Variants in WDFY4 observed in about 807,000 individuals in gnomAD.
WDFY4 encodes WD repeat- and FYVE domain-containing protein 4.
In WDFY4, 169 loss-of-function variants were observed where a neutral mutation model predicts 351.9. That is an observed-to-expected ratio of 0.48 (90% CI 0.42 to 0.55). The LOEUF (loss-of-function observed/expected upper bound fraction) is 0.55. Ranked by LOEUF, WDFY4 falls within the 20% of genes least tolerant of loss-of-function variation. The probability of loss-of-function intolerance (pLI) is 0.00; values close to 1 mark genes in which losing one functional copy is unlikely to be tolerated. For missense variants in WDFY4, 3,803 were observed against 3,935.6 expected, an observed-to-expected ratio of 0.97 and a Z score of 0.90; for synonymous variants, 1,622 against 1,574.6, an observed-to-expected ratio of 1.03 and a Z score of -0.71.
chr10:48,978,499 A>AGCCTAGGGAG, intron 60 of WDFY4, 106 bp downstream of exon 60: 1 of 1,109,724 alleles, frequency 9.0e-7, no homozygotes, highest in South Asian at 1.7e-5. Flanking sequence ...AGGTCTGCCC[A>AGCCTAGGGAG]GCCTAGGGAG....
At chr10:48,976,301 A>G (rs1177645930) in intron 58 of WDFY4, among the ~76,000 whole-genome samples, 1 of 152,246 alleles carries the variant, frequency 6.6e-6, no homozygotes, top group African/African-American at 2.4e-5. Context: ...AGGAGATACA[A>G]TGGGGAAATT....
intron 47 of WDFY4, among the ~76,000 whole-genome samples, chr10:48,919,987 C>T (rs1299272551): frequency 6.6e-6 from 1 of 152,062 alleles, no homozygotes; most frequent in Non-Finnish European, 1.5e-5. Flanking sequence ...TCTTCATGAA[C>T]ATAGTTACAA....
intron 12 of WDFY4, among the ~76,000 whole-genome samples, chr10:48,748,763 C>A (rs185953727): frequency 6.6e-6 from 1 of 152,190 alleles, no homozygotes; most frequent in African/African-American, 2.4e-5. Context: ...AACTCTACCC[C>A]CTCCAGGGAG....
chr10:48,736,002 A>G lies in WDFY4; in HGVS notation c.1810A>G (p.Ser604Gly). 1 of 1,551,900 alleles carries G rather than the reference A, an allele frequency of 6.4e-7. No homozygotes were observed. Among genetic ancestry groups the G allele is most frequent in the Non-Finnish European group, 8.7e-7 (1 of 1,147,060 alleles). The change falls in exon 11 of 62, where the codon AGC becomes GGC. Residue 604 changes from serine to glycine, a missense_variant. Ser to Gly is a moderately conservative substitution (Grantham distance 56). Coordinates refer to ENST00000325239, the MANE Select transcript of WDFY4 (RefSeq NM_001394531.1). ...LSAINAEEYM[S>G]IIVGALCSST... ...AGCCATCAACGCCGAGGAGTACATG[A>G]GCATCATTGTGGGTGCTCTATGCTC...
At chr10:48,751,365 G>C (rs748283448) in intron 12 of WDFY4, among the ~76,000 whole-genome samples, 1 of 152,182 alleles carries the variant, frequency 6.6e-6, no homozygotes, top group Non-Finnish European at 1.5e-5. Flanking sequence ...GGCATTGCTC[G>C]GACTTTAAGC....
intron 13 of WDFY4, among the ~76,000 whole-genome samples, chr10:48,764,578 T>C (rs1218999994): frequency 6.6e-6 from 1 of 152,250 alleles, no homozygotes; most frequent in Non-Finnish European, 1.5e-5. Flanking sequence ...CAGTCCCAAA[T>C]GCCATTCCAC....
chr10:48,712,871 C>G (rs2063803047), intron 2 of WDFY4, among the ~76,000 whole-genome samples: 1 of 152,178 alleles, frequency 6.6e-6, no homozygotes, highest in Admixed American at 6.5e-5. Flanking sequence ...CTGTTAACAT[C>G]AAAGCCTTAT....
At position 48,976,785 on chromosome 10, in the gene WDFY4, C is replaced by A; in HGVS notation, c.9109-12C>A. 1 of 1,380,224 alleles carries A rather than the reference C, an allele frequency of 7.2e-7. No homozygotes were observed. The highest frequency in any genetic ancestry group is 2.1e-4 in the Middle Eastern group (1 of 4,672). The allele number at this position is 1,380,224 out of a possible 1,614,324, so 85.5% of individuals were successfully genotyped here. A position where few individuals can be genotyped will look rare whatever the true frequency, so the allele number is the denominator to read the frequency against. On this transcript the variant is annotated splice_polypyrimidine_tract_variant and intron_variant, in intron 58 of 61. Transcript: ENST00000325239. ...ACTCCAGCTTAGAGTGATGCCAGCT[C>A]TCACTGCACAGGGCACCATTGTCTC...
At chr10:48,715,712 G>A (rs991798510) in intron 2 of WDFY4, among the ~76,000 whole-genome samples, 20 of 152,026 alleles carry the variant, frequency 1.3e-4, no homozygotes, top group Admixed American at 2.0e-4. Flanking sequence ...TGCAAGCTCC[G>A]CCTCCCAGAT....
rs570245750 is a variant in WDFY4, at chr10:48,944,860, A to G, written c.7750-1180A>G. ...CTTTAAAAAAATCTGGATTTCCAAT[A>G]TCTTTTGGAAAACGGTGAGATCTGG... is the stretch of plus-strand genomic sequence containing the variant. On this transcript the variant is annotated intron_variant, in intron 49 of 61. Transcript: ENST00000325239. 3.3e-5 allele frequency among the ~76,000 whole-genome samples: 5 copies of G among 152,310 alleles called. No individual in the cohort carries two copies. In the East Asian group the frequency reaches 7.7e-4, roughly 23 times the overall value.
chr10:48,727,671 T>C lies in WDFY4; in HGVS notation c.971+12T>C, dbSNP rs1301375139. On this transcript the variant is annotated intron_variant, in intron 7 of 61. Coordinates refer to ENST00000325239, the MANE Select transcript of WDFY4 (RefSeq NM_001394531.1). ...AAAGTGTTACTTCGGTAAGTGGCTG[T>C]GTTTGGTACGGGGAGAGCACAGGAC... 10 of 1,551,696 alleles carry C rather than the reference T, an allele frequency of 6.4e-6. No homozygotes were observed. Among genetic ancestry groups the C allele is most frequent in the Non-Finnish European group, 8.7e-6 (10 of 1,146,852 alleles).
rs571867285 is a variant in WDFY4 at position 48,946,888 on chromosome 10, C to T, written c.7896C>T (p.Tyr2632=). ...ACATGACTGTCCAGTGCCACTACTA[C>T]ACCCACTACTCCTCGGCCATCATCG... ...EGDMTVQCHY[Y]THYSSAIIVA... Residue 2632 remains tyrosine, a synonymous_variant, in exon 51 of 62, where the codon TAC becomes TAT. Coordinates refer to ENST00000325239, the MANE Select transcript of WDFY4 (RefSeq NM_001394531.1). 1.9e-6 allele frequency: 3 copies of T among 1,552,092 alleles called. No individual in the cohort carries two copies. The highest frequency in any genetic ancestry group is 1.4e-5 in the African/African-American group (1 of 73,132).
chr10:48,910,208 G>A, intron 47 of WDFY4: 2 of 1,473,252 alleles, frequency 1.4e-6, no homozygotes, highest in South Asian at 2.3e-5. Context: ...TGTTAGCTGA[G>A]TAGTCTTCAA....
At chr10:48,890,476 T>G (rs532152562) in intron 43 of WDFY4, 103 bp from the exon 44 acceptor site, 17 of 1,405,888 alleles carry the variant, frequency 1.2e-5, no homozygotes, top group Non-Finnish European at 1.7e-5. Context: ...TGCTCTCACC[T>G]CCAATTGCCC....
At chr10:48,753,188 G>T (rs557119497) in intron 12 of WDFY4, among the ~76,000 whole-genome samples, 1 of 152,124 alleles carries the variant, frequency 6.6e-6, no homozygotes, top group African/African-American at 2.4e-5. Flanking sequence ...TCTATTCAAG[G>T]GCTTGGCCCA....
rs370114767 is a variant in WDFY4, at chr10:48,970,193, C to A, written c.8832C>A (p.Ser2944=). Residue 2944 remains serine (S), a synonymous_variant, in exon 57 of 62, where the codon TCC becomes TCA. Transcript: ENST00000325239. ...WGRCLCAVCP[S]PTTIVTSGTS... is the part of the protein sequence containing the mutation. ...GCTGTCTGTGCGCCGTGTGCCCATC[C>A]CCAACAACGATTGTCACCTCTGGGA... is the stretch of plus-strand genomic sequence containing the variant. The A allele has an allele frequency of 3.2e-6, 5 of 1,551,608 alleles. No homozygotes were observed. The African/African-American group carries it at 5.5e-5, about 17-fold the overall frequency.
chr10:48,977,196 GCA>G (rs1266067653), intron 59 of WDFY4: 99 of 346,494 alleles, frequency 2.9e-4, no homozygotes, highest in East Asian at 9.1e-4. Context: ...ACACACACAT[GCA>G]CACACACACA....
At chr10:48,819,175 C>G (rs1022189700) in intron 32 of WDFY4, among the ~76,000 whole-genome samples, 1 of 152,188 alleles carries the variant, frequency 6.6e-6, no homozygotes, top group African/African-American at 2.4e-5. Context: ...CAGCTGATCG[C>G]GGGCGAGGTC....
intron 47 of WDFY4, among the ~76,000 whole-genome samples, chr10:48,922,789 C>T (rs1044863858): frequency 1.1e-4 from 16 of 152,108 alleles, no homozygotes; most frequent in Non-Finnish European, 1.9e-4. Flanking sequence ...ATGTCTCAAA[C>T]GTCTACATGA....
Sources: gnomAD v4.1 joint callset for allele counts (sites outside exome capture counted in the v4.1 genomes callset) on GRCh38, gnomAD v4.1.1 for gene constraint, MANE v1.5 for transcripts, NCBI Gene and HGNC (gene_info 2026-07-23, HGNC 2026-07-21) for gene names.